IKZF1: variants seen among roughly 807,000 people sequenced by gnomAD.
The protein encoded by IKZF1 is IKAROS family zinc finger 1.
In IKZF1, 10 loss-of-function variants were observed where a neutral mutation model predicts 51.7. That is an observed-to-expected ratio of 0.19 (90% CI 0.12 to 0.33). The LOEUF (loss-of-function observed/expected upper bound fraction) is 0.33. Among genes scored for constraint, IKZF1 ranks in the 10% least tolerant of loss-of-function variants. IKZF1 has a pLI of 1.00. For missense variants in IKZF1, 484 were observed against 707.5 expected, an observed-to-expected ratio of 0.68 and a Z score of 3.58; for synonymous variants, 280 against 282.3, an observed-to-expected ratio of 0.99 and a Z score of 0.08.
intron 1 of IKZF1, chr7:50,318,425 T>C (rs1242855663): frequency 4.4e-6 from 1 of 229,402 alleles, no homozygotes; most frequent in African/African-American, 2.2e-5. Context: ...CGTGTAAGAG[T>C]GCTGGTGAAG....
intron 3 of IKZF1, among the ~76,000 whole-genome samples, chr7:50,363,146 G>A (rs906295777): frequency 2.6e-5 from 4 of 152,206 alleles, no homozygotes; most frequent in Non-Finnish European, 4.4e-5. Flanking sequence ...GGGTCTGGGG[G>A]AAAAGATGGG....
At chr7:50,385,366 C>G (rs1489616512) in intron 5 of IKZF1, among the ~76,000 whole-genome samples, 2 of 152,222 alleles carry the variant, frequency 1.3e-5, no homozygotes, top group Non-Finnish European at 2.9e-5. Context: ...AAACCAGGAT[C>G]AACATCACAG....
chr7:50,303,538 G>A (rs1363661049), upstream of IKZF1, among the ~76,000 whole-genome samples: 2 of 152,300 alleles, frequency 1.3e-5, no homozygotes, highest in East Asian at 3.9e-4. This position sits in a 1 kb window ranked among gnomAD's most constrained non-coding sequence, Gnocchi z 4.7. Flanking sequence ...AGAGAGACGA[G>A]AGGTATTCCA....
At chr7:50,352,924 A>G (rs913581979) in intron 3 of IKZF1, among the ~76,000 whole-genome samples, 4 of 152,238 alleles carry the variant, frequency 2.6e-5, no homozygotes, top group African/African-American at 7.2e-5. Flanking sequence ...TGAATTACAC[A>G]TATTTGTATT....
In IKZF1 at chr7:50,400,126, G is replaced by C. The variant is rs1222470350; in HGVS notation, c.1059G>C (p.Pro353=). 6.4e-7 allele frequency: 1 copy of C among 1,562,570 alleles called. No individual in the cohort carries two copies. The highest frequency in any genetic ancestry group is 8.7e-7 in the Non-Finnish European group (1 of 1,155,350). Residue 353 remains proline (P), a synonymous_variant, in exon 8 of 8, where the codon CCG becomes CCC. Coordinates refer to ENST00000331340, the MANE Select transcript of IKZF1 (RefSeq NM_006060.6). The surrounding 1 kb of genome is among the most constrained non-coding windows in gnomAD (Gnocchi z 5.4). The part of the protein sequence containing the change: ...VISPMYQLHK[P]LAEGTPRSNH... ...GCCCGATGTACCAGCTGCACAAGCC[G>C]CTCGCGGAGGGCACCCCGCGCTCCA...
chr7:50,318,916 G>A, intron 1 of IKZF1, 132 bp from the exon 2 acceptor site: 1 of 589,522 alleles, frequency 1.7e-6, no homozygotes, highest in Non-Finnish European at 3.1e-6. Context: ...GCAAGTATGT[G>A]AGGAGGAAAA....
At chr7:50,313,698 T>C (rs191485422) in intron 1 of IKZF1, among the ~76,000 whole-genome samples, 1 of 152,356 alleles carries the variant, frequency 6.6e-6, no homozygotes, top group Admixed American at 6.5e-5. Context: ...GCCTTGGTTC[T>C]CTCATCTATA....
chr7:50,392,127 A>T (rs533337265), intron 7 of IKZF1, among the ~76,000 whole-genome samples: 1 of 152,290 alleles, frequency 6.6e-6, no homozygotes, highest in East Asian at 1.9e-4. Context: ...CATCGCTCTT[A>T]GGGGCGGCTG....
chr7:50,364,300 G>A (rs1169691441), intron 3 of IKZF1, among the ~76,000 whole-genome samples: 1 of 152,186 alleles, frequency 6.6e-6, no homozygotes, highest in Non-Finnish European at 1.5e-5. Flanking sequence ...CATCAATTTG[G>A]CAATTCAAAT....
chr7:50,371,816 C>T (rs1233655770), intron 3 of IKZF1, among the ~76,000 whole-genome samples: 1 of 152,232 alleles, frequency 6.6e-6, no homozygotes, highest in Non-Finnish European at 1.5e-5. Context: ...AGGAGGCGTG[C>T]GTACAGCCTG....
At chr7:50,358,305 A>G (rs1804120240) in intron 3 of IKZF1, among the ~76,000 whole-genome samples, 1 of 152,220 alleles carries the variant, frequency 6.6e-6, no homozygotes, top group Non-Finnish European at 1.5e-5. Context: ...ATCTACTAGG[A>G]AAAAACATGA....
At chr7:50,394,967 G>A (rs1413362376) in intron 7 of IKZF1, among the ~76,000 whole-genome samples, 1 of 152,048 alleles carries the variant, frequency 6.6e-6, no homozygotes, top group Admixed American at 6.6e-5. Flanking sequence ...TTAAAATAGA[G>A]AAAAGCACAA....
At position 50,404,435 on chromosome 7, in the gene IKZF1, C is replaced by T. The variant is rs1279352112; in HGVS notation, c.*3808C>T. ...ATAGAACAAATAAATGCAACGAATA[C>T]TCTGTCTGCCCTATCCCGTGAAGTC... On this transcript the variant is annotated 3_prime_UTR_variant, in exon 8 of 8. Transcript: ENST00000331340. 2.2e-5 allele frequency: 5 copies of T among 229,024 alleles called. No homozygotes were observed. The highest frequency in any genetic ancestry group is 1.1e-4 in the African/African-American group (5 of 45,100). The allele number at this position is 229,024 out of a possible 1,614,324, so 14.2% of individuals were successfully genotyped here. A position where few individuals can be genotyped will look rare whatever the true frequency, so the allele number is the denominator to read the frequency against.
intron 1 of IKZF1, among the ~76,000 whole-genome samples, chr7:50,310,158 G>C (rs1162968190): frequency 6.6e-6 from 1 of 152,180 alleles, no homozygotes; most frequent in Non-Finnish European, 1.5e-5. Context: ...TTTAAAAGTT[G>C]GTAGGAAGTT....
At chr7:50,355,811 T>G (rs1366827229) in intron 3 of IKZF1, among the ~76,000 whole-genome samples, 1 of 152,142 alleles carries the variant, frequency 6.6e-6, no homozygotes, top group East Asian at 1.9e-4. Context: ...AAACCTGCCC[T>G]AGGGAGGCAG....
chr7:50,393,661 G>A (rs1369366780), intron 7 of IKZF1, among the ~76,000 whole-genome samples: 2 of 152,214 alleles, frequency 1.3e-5, no homozygotes, highest in East Asian at 3.8e-4. Flanking sequence ...TGAGAACGAG[G>A]GAGGCCTTGC....
intron 5 of IKZF1, among the ~76,000 whole-genome samples, chr7:50,384,425 A>C (rs1812775361): frequency 6.6e-6 from 1 of 152,210 alleles, no homozygotes; most frequent in Non-Finnish European, 1.5e-5. Context: ...GACTTCCTAA[A>C]AACTTCCAAG....
Position 50,391,034 on chromosome 7 carries a change from A to T in IKZF1, c.716-695A>T, listed in dbSNP as rs188057238. 7.9e-4 allele frequency among the ~76,000 whole-genome samples: 121 copies of T among 152,358 alleles called. 1 individual carries two copies. In the East Asian group the frequency reaches 0.022, roughly 28 times the overall value. Reference sequence around the variant, plus strand: ...TTTATAACTCCAACCACAATAACTGATGTAAATATAGATCCAGCTATGCAG... The same window carrying T: ...TTTATAACTCCAACCACAATAACTGTTGTAAATATAGATCCAGCTATGCAG... On this transcript the variant is annotated intron_variant, in intron 6 of 7. Transcript: ENST00000331340.
intron 7 of IKZF1, 102 bp from the exon 8 acceptor site, chr7:50,399,816 G>T: frequency 6.7e-7 from 1 of 1,489,794 alleles, no homozygotes; most frequent in Non-Finnish European, 8.9e-7. Flanking sequence ...CCCAGGCCGT[G>T]TTCCCCTTCC....
Sources: allele counts gnomAD v4.1 joint callset (sites outside exome capture counted in the v4.1 genomes callset), GRCh38; gene constraint gnomAD v4.1.1; non-coding constraint Gnocchi (gnomAD v3.1); transcripts MANE v1.5; gene names NCBI Gene and HGNC (gene_info 2026-07-23, HGNC 2026-07-21).